SIL1: variants seen among roughly 807,000 people sequenced by gnomAD.
The protein encoded by SIL1 is nucleotide exchange factor SIL1.
In SIL1, 40 loss-of-function variants were observed where a neutral mutation model predicts 49.1. That is an observed-to-expected ratio of 0.81 (90% CI 0.63 to 1.06). The LOEUF (loss-of-function observed/expected upper bound fraction) is 1.06, where lower values mean the gene tolerates loss of function less well. Ranked by LOEUF, SIL1 falls within the 50% of genes least tolerant of loss-of-function variation. SIL1 has a pLI of 0.00. For synonymous variants in SIL1, 253 were observed against 250.8 expected (o/e 1.01, Z -0.08); for missense variants, 500 against 572.6 (o/e 0.87, Z 1.29).
At chr5:139,177,353 T>C (rs1008957216) in intron 1 of SIL1, among the ~76,000 whole-genome samples, 1 of 152,052 alleles carries the variant, frequency 6.6e-6, no homozygotes, top group Non-Finnish European at 1.5e-5. Context: ...GATTCTGCTA[T>C]CTCAGCCTCC....
intron 7 of SIL1, among the ~76,000 whole-genome samples, chr5:139,010,504 G>A (rs1201692490): frequency 6.6e-6 from 1 of 152,218 alleles, no homozygotes; most frequent in Non-Finnish European, 1.5e-5. Context: ...CGTTGCTGGT[G>A]AGGAGCTGCA....
At chr5:139,120,938 G>C in intron 3 of SIL1, 97 bp downstream of exon 3, 2 of 1,496,008 alleles carry the variant, frequency 1.3e-6, no homozygotes, top group Non-Finnish European at 1.8e-6. Flanking sequence ...CCGCAGGCCA[G>C]AGAAGAGCAG....
intron 3 of SIL1, among the ~76,000 whole-genome samples, chr5:139,098,707 T>C (rs948167118): frequency 6.7e-6 from 1 of 149,916 alleles, no homozygotes; most frequent in South Asian, 2.2e-4. Flanking sequence ...GACAAGACAC[T>C]AATAACCAGA....
intron 3 of SIL1, among the ~76,000 whole-genome samples, chr5:139,105,912 C>T (rs1309003655): frequency 2.6e-5 from 4 of 152,172 alleles, no homozygotes; most frequent in Non-Finnish European, 4.4e-5. Flanking sequence ...GAAAAGGAGC[C>T]GCAAACATAA....
chr5:139,174,085 A>G (rs1352994644), intron 1 of SIL1, among the ~76,000 whole-genome samples: 1 of 152,096 alleles, frequency 6.6e-6, no homozygotes, highest in African/African-American at 2.4e-5. Context: ...AATAATAATA[A>G]AGATCAGAGC....
At chr5:139,143,340 CACACATATATATATAT>C (rs1751128415) in intron 1 of SIL1, among the ~76,000 whole-genome samples, 1 of 85,174 alleles carries the variant, frequency 1.2e-5, no homozygotes. Flanking sequence ...CACACACACA[CACACATATATATATAT>C]ATATATATAT....
chr5:139,105,817 C>G (rs1770694876), intron 3 of SIL1, among the ~76,000 whole-genome samples: 1 of 152,222 alleles, frequency 6.6e-6, no homozygotes, highest in Non-Finnish European at 1.5e-5. Flanking sequence ...ACATTACCCC[C>G]AAAGAATAGT....
chr5:138,957,346 G>A (rs1163592284), intron 7 of SIL1, among the ~76,000 whole-genome samples: 1 of 151,648 alleles, frequency 6.6e-6, no homozygotes, highest in African/African-American at 2.4e-5. Flanking sequence ...TAAGGTGGGA[G>A]GACTGCTTGA....
In SIL1 at chr5:139,191,636, AT is replaced by A. The variant is rs1393763251; in HGVS notation, c.-11+6632del. Among the ~76,000 whole-genome samples the A allele has an allele frequency of 1.3e-3, 192 of 151,144 alleles. 1 individual carries two copies. Among genetic ancestry groups the A allele is most frequent in the Non-Finnish European group, 2.2e-3 (149 of 67,732 alleles). ...TGTCTCTTTAAAAAAAAAAAAAAAA[AT>A]TAAATTAGCCAGGCATGGTGGTGCA... On this transcript the variant is annotated intron_variant, in intron 1 of 9. Coordinates refer to ENST00000394817, the MANE Select transcript of SIL1 (RefSeq NM_022464.5).
chr5:139,156,541 T>A (rs1384916124), intron 1 of SIL1, among the ~76,000 whole-genome samples: 4 of 152,076 alleles, frequency 2.6e-5, no homozygotes, highest in Non-Finnish European at 5.9e-5. Flanking sequence ...TTTGCAGATG[T>A]TTTTACATTA....
chr5:139,196,318 A>G (rs1015167239), intron 1 of SIL1: 1 of 152,214 alleles, frequency 6.6e-6, no homozygotes, highest in Non-Finnish European at 1.5e-5. Flanking sequence ...ACAACAGCCA[A>G]ATCACTTAGG....
At chr5:139,152,881 C>T (rs1220056565) in intron 1 of SIL1, among the ~76,000 whole-genome samples, 6 of 152,132 alleles carry the variant, frequency 3.9e-5, no homozygotes, top group African/African-American at 1.2e-4. Context: ...TGCAATGGCG[C>T]GATCTCAGCT....
chr5:138,989,182 A>C (rs78537734), intron 7 of SIL1, among the ~76,000 whole-genome samples: 4,554 of 152,304 alleles, frequency 0.03, 107 homozygotes, highest in Non-Finnish European at 0.044. Flanking sequence ...AAGTCATCTC[A>C]TAGACAGTAA....
intron 3 of SIL1, among the ~76,000 whole-genome samples, chr5:139,052,376 T>A (rs1769310007): frequency 6.6e-6 from 1 of 152,178 alleles, no homozygotes; most frequent in South Asian, 2.1e-4. Context: ...ATGATCTCCC[T>A]CTAACCCCAA....
intron 1 of SIL1, among the ~76,000 whole-genome samples, chr5:139,152,124 T>C (rs1751311952): frequency 6.6e-6 from 1 of 152,170 alleles, no homozygotes; most frequent in Non-Finnish European, 1.5e-5. Flanking sequence ...GGCTCGGCAA[T>C]GGTGCCTTGG....
intron 3 of SIL1, chr5:139,093,921 T>G (rs1770396932): frequency 6.6e-6 from 1 of 152,206 alleles, no homozygotes; most frequent in South Asian, 2.1e-4. Flanking sequence ...TGGGCTGAAC[T>G]AGAATCAGAA....
rs547655445 is a variant in SIL1 at position 139,142,070 on chromosome 5, T to C, written c.-10-14217A>G. ...CAGTTTCCAGGCTGCATAATCAGAATGGCTGGCTGCCCAGACAGGCGGCCA... is the reference window on the plus strand; with the variant it reads ...CAGTTTCCAGGCTGCATAATCAGAACGGCTGGCTGCCCAGACAGGCGGCCA... On this transcript the variant is annotated intron_variant, in intron 1 of 9. Coordinates refer to ENST00000394817, the MANE Select transcript of SIL1 (RefSeq NM_022464.5). Among the ~76,000 whole-genome samples the C allele has an allele frequency of 3.9e-5, 6 of 152,286 alleles. No individual in the cohort carries two copies. The South Asian group carries it at 1.2e-3, about 32-fold the overall frequency.
rs759618740 is a variant in SIL1 at position 138,947,103 on chromosome 5, C to G, written c.*14G>C. On this transcript the variant is annotated 3_prime_UTR_variant, in exon 10 of 10. Transcript: ENST00000394817. The surrounding 1 kb of genome is among the most constrained non-coding windows in gnomAD (Gnocchi z 4.1). ...CTCACTAGCGGCATCCCAGTCCAGT[C>G]CTGGTGTGGGGCCTCATCTCAGCTC... is the stretch of plus-strand genomic sequence containing the variant. The G allele has an allele frequency of 5.6e-6, 9 of 1,599,024 alleles. No individual in the cohort carries two copies. Among genetic ancestry groups the G allele is most frequent in the South Asian group, 2.2e-5 (2 of 90,072 alleles).
intron 1 of SIL1, among the ~76,000 whole-genome samples, chr5:139,194,169 G>A (rs1752223535): frequency 6.6e-6 from 1 of 152,238 alleles, no homozygotes; most frequent in Admixed American, 6.5e-5. Flanking sequence ...AGTCTGGGCT[G>A]AATATAGTTT....
Sources: allele counts gnomAD v4.1 joint callset (sites outside exome capture counted in the v4.1 genomes callset), GRCh38; gene constraint gnomAD v4.1.1; non-coding constraint Gnocchi (gnomAD v3.1); transcripts MANE v1.5; gene names NCBI Gene and HGNC (gene_info 2026-07-23, HGNC 2026-07-21).